KIAA1671: variants seen among roughly 807,000 people sequenced by gnomAD.
KIAA1671 encodes KIAA1671.
In KIAA1671, 52 loss-of-function variants were observed where a neutral mutation model predicts 131.2. That is an observed-to-expected ratio of 0.40 (90% CI 0.32 to 0.50). The LOEUF (loss-of-function observed/expected upper bound fraction) is 0.50, where lower values mean the gene tolerates loss of function less well. Ranked by LOEUF, KIAA1671 falls within the 20% of genes least tolerant of loss-of-function variation. KIAA1671 has a pLI of 0.73. For missense variants in KIAA1671, 2,360 were observed against 2,364.2 expected, an observed-to-expected ratio of 1.00 and a Z score of 0.04; for synonymous variants, 1,003 against 961.6, an observed-to-expected ratio of 1.04 and a Z score of -0.80.
At chr22:25,041,648 T>C in intron 5 of KIAA1671, 123 bp downstream of exon 5, 1 of 1,020,840 alleles carries the variant, frequency 9.8e-7, no homozygotes, top group South Asian at 1.7e-5. Context: ...AGGCTGGGTA[T>C]GAGGCTCCAG....
At chr22:25,068,223 G>T (rs113186817) in intron 6 of KIAA1671, among the ~76,000 whole-genome samples, 4 of 151,514 alleles carry the variant, frequency 2.6e-5, no homozygotes, top group African/African-American at 9.7e-5. Flanking sequence ...CAGGGAGCAG[G>T]GCCGGCCTTC....
At chr22:25,125,119 T>C (rs1233300192) in intron 6 of KIAA1671, among the ~76,000 whole-genome samples, 1 of 152,166 alleles carries the variant, frequency 6.6e-6, no homozygotes, top group East Asian at 1.9e-4. Context: ...AGCAGGCGCC[T>C]CTCCAGGTTG....
intron 1 of KIAA1671, among the ~76,000 whole-genome samples, chr22:24,991,532 C>T (rs1923839098): frequency 6.6e-6 from 1 of 151,408 alleles, no homozygotes; most frequent in South Asian, 2.1e-4. Flanking sequence ...TCTCGGCTCA[C>T]TGCAAGCTGT....
chr22:25,169,224 C>G (rs1933756693), intron 6 of KIAA1671, among the ~76,000 whole-genome samples: 1 of 151,914 alleles, frequency 6.6e-6, no homozygotes, highest in South Asian at 2.1e-4. Context: ...TAAGACCAGC[C>G]TGGGCAACAT....
Position 25,190,637 on chromosome 22 carries a change from A to G in KIAA1671, c.5343-65A>G. On this transcript the variant is annotated intron_variant, in intron 11 of 12. Coordinates refer to ENST00000358431, the MANE Select transcript of KIAA1671 (RefSeq NM_001145206.2). ...AGGGATAGACAGTCGGATACCACTC[A>G]GTCCTGCCCGCAAGGAGCCCACAGT... 2.2e-6 allele frequency: 3 copies of G among 1,361,846 alleles called. No homozygotes were observed. The South Asian group carries it at 3.7e-5, about 17-fold the overall frequency. The allele number at this position is 1,361,846 out of a possible 1,614,324, so 84.4% of individuals were successfully genotyped here.
At chr22:25,132,409 A>G (rs1051581743) in intron 6 of KIAA1671, among the ~76,000 whole-genome samples, 5 of 152,170 alleles carry the variant, frequency 3.3e-5, no homozygotes, top group Non-Finnish European at 4.4e-5. Context: ...TAGCAGAAAG[A>G]ACACAGGCTG....
intron 1 of KIAA1671, among the ~76,000 whole-genome samples, chr22:24,992,963 A>G (rs1236576851): frequency 1.3e-5 from 2 of 152,114 alleles, no homozygotes; most frequent in Non-Finnish European, 1.5e-5. Flanking sequence ...AAACTTACCC[A>G]TGCTCATAGA....
intron 6 of KIAA1671, among the ~76,000 whole-genome samples, chr22:25,114,351 C>T (rs1205926588): frequency 6.6e-6 from 1 of 152,196 alleles, no homozygotes; most frequent in African/African-American, 2.4e-5. Flanking sequence ...TGAAGCAAGC[C>T]CCCAGCACAG....
intron 2 of KIAA1671, among the ~76,000 whole-genome samples, chr22:25,027,040 C>CAAG (rs1199991685): frequency 1.3e-5 from 2 of 151,994 alleles, no homozygotes; most frequent in African/African-American, 4.8e-5. Context: ...GTATAAAACA[C>CAAG]AAGAAGCATG....
At chr22:24,978,674 A>G (rs894163102) in intron 1 of KIAA1671, among the ~76,000 whole-genome samples, 9 of 150,990 alleles carry the variant, frequency 6.0e-5, no homozygotes, top group Non-Finnish European at 1.2e-4. Context: ...TACCATCTTA[A>G]TCTTTTGTTT....
chr22:24,972,455 TGCAC>T (rs1355110145), intron 1 of KIAA1671, among the ~76,000 whole-genome samples: 2 of 152,222 alleles, frequency 1.3e-5, no homozygotes, highest in Non-Finnish European at 2.9e-5. Context: ...CACTCATGCA[TGCAC>T]GCATGCATGC....
intron 4 of KIAA1671, among the ~76,000 whole-genome samples, chr22:25,037,238 G>A (rs961796454): frequency 1.3e-5 from 2 of 151,486 alleles, no homozygotes; most frequent in African/African-American, 2.4e-5. Context: ...CAGAAAAATC[G>A]CTTGAATCCG....
At chr22:25,068,489 T>C (rs1040183501) in intron 6 of KIAA1671, among the ~76,000 whole-genome samples, 1 of 151,792 alleles carries the variant, frequency 6.6e-6, no homozygotes, top group Non-Finnish European at 1.5e-5. Context: ...CAGGCTGGAG[T>C]GCAGTGGCAC....
chr22:24,956,024 CAAAA>C (rs1167493018), intron 1 of KIAA1671, among the ~76,000 whole-genome samples: 4 of 51,898 alleles, frequency 7.7e-5, no homozygotes, highest in Non-Finnish European at 1.2e-4. Context: ...GACTCCGTCT[CAAAA>C]AAAAAAAAAA....
At chr22:25,031,193 A>ATTTTTTT (rs58221822) in intron 3 of KIAA1671, among the ~76,000 whole-genome samples, 1 of 113,344 alleles carries the variant, frequency 8.8e-6, no homozygotes, top group Non-Finnish European at 1.7e-5. Flanking sequence ...CACCCAGCTA[A>ATTTTTTT]TTTTTTTTTT....
intron 1 of KIAA1671, among the ~76,000 whole-genome samples, chr22:25,015,448 T>C (rs1263895310): frequency 1.3e-5 from 2 of 151,932 alleles, no homozygotes; most frequent in Admixed American, 6.6e-5. Flanking sequence ...AGTCCAAAAA[T>C]AGCATAAATT....
At chr22:25,068,201 C>T (rs1005001610) in intron 6 of KIAA1671, among the ~76,000 whole-genome samples, 13 of 149,450 alleles carry the variant, frequency 8.7e-5, no homozygotes, top group African/African-American at 2.0e-4. Flanking sequence ...GCCAGCCTTC[C>T]GACTGTGCCA....
chr22:25,025,421 G>A (rs1253209945), intron 1 of KIAA1671, among the ~76,000 whole-genome samples: 2 of 152,158 alleles, frequency 1.3e-5, no homozygotes, highest in Non-Finnish European at 2.9e-5. Context: ...TCAGAGAACA[G>A]GGAAGATTTT....
At chr22:25,115,574 C>T (rs182123767) in intron 6 of KIAA1671, among the ~76,000 whole-genome samples, 3 of 152,192 alleles carry the variant, frequency 2.0e-5, no homozygotes, top group East Asian at 3.9e-4. Flanking sequence ...AATGTTCGTT[C>T]CACGTTGCTT....
Sources: allele counts gnomAD v4.1 joint callset (sites outside exome capture counted in the v4.1 genomes callset), GRCh38; gene constraint gnomAD v4.1.1; transcripts MANE v1.5; gene names NCBI Gene and HGNC (gene_info 2026-07-23, HGNC 2026-07-21).